The following NXPH2 variants were observed in gnomAD, a reference collection of about 807,000 sequenced individuals.
The protein encoded by NXPH2 is neurexophilin-2.
In NXPH2, 5 loss-of-function variants were observed where a neutral mutation model predicts 19.8. That is an observed-to-expected ratio of 0.25 (90% confidence interval 0.13 to 0.53). NXPH2 has a LOEUF of 0.53. NXPH2 is among the 20% of genes least tolerant of loss of function. The probability of loss-of-function intolerance (pLI) is 0.96; values close to 1 mark genes in which losing one functional copy is unlikely to be tolerated. For synonymous variants in NXPH2, 154 were observed against 127.4 expected (o/e 1.21, Z -1.41); for missense variants, 289 against 322.8 (o/e 0.90, Z 0.80).
intron 1 of NXPH2, among the ~76,000 whole-genome samples, chr2:138,767,872 T>C (rs1682115763): frequency 6.6e-6 from 1 of 152,196 alleles, no homozygotes. Flanking sequence ...ATTTATCCTC[T>C]GTGTCTCTTC....
chr2:138,714,570 C>A lies in NXPH2; in HGVS notation c.52-42905G>T, dbSNP rs139936077. ...ATCTAACACAGAGACAGGAAGCAGG[C>A]AGACTGTGTTCGCTTCCCTACAAAT... On this transcript the variant is annotated intron_variant, in intron 1 of 1. Coordinates refer to ENST00000272641, the MANE Select transcript of NXPH2 (RefSeq NM_007226.3). Among the ~76,000 whole-genome samples the A allele has an allele frequency of 7.7e-3, 1,164 of 152,138 alleles. 16 individuals carry two copies. Among genetic ancestry groups the A allele is most frequent in the African/African-American group, 0.026 (1,092 of 41,510 alleles).
intron 1 of NXPH2, among the ~76,000 whole-genome samples, chr2:138,691,920 A>C (rs1379869742): frequency 1.3e-5 from 2 of 152,240 alleles, no homozygotes; most frequent in African/African-American, 4.8e-5. Flanking sequence ...GACCCATAAC[A>C]TCATAAGATG....
rs1410773708 is a variant in NXPH2, at chr2:138,671,127, G to T, written c.590C>A (p.Ala197Glu). 12 of 1,613,842 alleles carry T rather than the reference G, an allele frequency of 7.4e-6. No homozygotes were observed. Among genetic ancestry groups the T allele is most frequent in the African/African-American group, 2.7e-5 (2 of 75,006 alleles). ...CRIEYEKTDR[A>E]KKTALCNFDP... The stretch of plus-strand genomic sequence containing the variant: ...AAAGTTGCACAGGGCGGTCTTTTTC[G>T]CCCGATCTGTTTTTTCATACTCAAT... The change falls in exon 2 of 2, where the codon GCG becomes GAG. Residue 197 changes from alanine to glutamate, a missense_variant. Transcript: ENST00000272641.
rs537441335 is a variant in NXPH2 at position 138,721,881 on chromosome 2, A to G, written c.52-50216T>C. 1.2e-3 allele frequency among the ~76,000 whole-genome samples: 178 copies of G among 152,336 alleles called. 1 individual carries two copies. The highest frequency in any genetic ancestry group is 3.4e-3 in the Middle Eastern group (1 of 294). ...ATGCAGCAGGTAGATATGAAAGTGTAGTGTGCTTTGAGTATTCTGTCTTTA... is the reference window on the plus strand; with the variant it reads ...ATGCAGCAGGTAGATATGAAAGTGTGGTGTGCTTTGAGTATTCTGTCTTTA... On this transcript the variant is annotated intron_variant, in intron 1 of 1. Transcript: ENST00000272641.
At chr2:138,761,514 G>T (rs1278386580) in intron 1 of NXPH2, among the ~76,000 whole-genome samples, 1 of 152,166 alleles carries the variant, frequency 6.6e-6, no homozygotes, top group East Asian at 1.9e-4. Context: ...GCCTCCTGTT[G>T]GTTTCAAGAA....
intron 1 of NXPH2, among the ~76,000 whole-genome samples, chr2:138,742,686 G>C (rs1183482945): frequency 6.6e-6 from 1 of 152,142 alleles, no homozygotes; most frequent in Non-Finnish European, 1.5e-5. Context: ...CTAGCAAGCA[G>C]GCATCTGCAC....
chr2:138,733,880 A>G (rs1038902745), intron 1 of NXPH2, among the ~76,000 whole-genome samples: 1 of 152,218 alleles, frequency 6.6e-6, no homozygotes, highest in Admixed American at 6.5e-5. Context: ...ATTTGCAACT[A>G]CATCAGGAAA....
At chr2:138,721,705 G>A (rs1353949785) in intron 1 of NXPH2, among the ~76,000 whole-genome samples, 1 of 152,116 alleles carries the variant, frequency 6.6e-6, no homozygotes, top group Non-Finnish European at 1.5e-5. Flanking sequence ...ACAAACTATG[G>A]GAGTTAAAGA....
intron 1 of NXPH2, among the ~76,000 whole-genome samples, chr2:138,758,276 A>T (rs1482926153): frequency 3.3e-5 from 5 of 152,048 alleles, no homozygotes; most frequent in African/African-American, 1.2e-4. Flanking sequence ...ATTACTGAGG[A>T]TCTACCCAGG....
intron 1 of NXPH2, among the ~76,000 whole-genome samples, chr2:138,743,111 A>T (rs1270545341): frequency 6.6e-6 from 1 of 152,256 alleles, no homozygotes; most frequent in East Asian, 1.9e-4. Context: ...GTATTTCAAG[A>T]GAGGTATGCT....
At chr2:138,778,560 T>G (rs144903707) in intron 1 of NXPH2, among the ~76,000 whole-genome samples, 1 of 152,320 alleles carries the variant, frequency 6.6e-6, no homozygotes, top group African/African-American at 2.4e-5. Flanking sequence ...ATCACACTGC[T>G]TACGGAGCAG....
intron 1 of NXPH2, among the ~76,000 whole-genome samples, chr2:138,702,059 T>G (rs981748460): frequency 6.6e-6 from 1 of 152,144 alleles, no homozygotes; most frequent in Admixed American, 6.6e-5. Context: ...AGAGACTGTT[T>G]CTTTTTATTT....
At chr2:138,694,061 T>C (rs1393152669) in intron 1 of NXPH2, among the ~76,000 whole-genome samples, 1 of 152,066 alleles carries the variant, frequency 6.6e-6, no homozygotes, top group African/African-American at 2.4e-5. Context: ...CTAAAATATA[T>C]AATTATATGA....
chr2:138,726,630 G>A lies in NXPH2; in HGVS notation c.51+53561C>T, dbSNP rs559012347. 8.8e-4 allele frequency among the ~76,000 whole-genome samples: 133 copies of A among 150,958 alleles called. 1 individual carries two copies. Among genetic ancestry groups the A allele is most frequent in the Non-Finnish European group, 1.0e-3 (71 of 67,844 alleles). The stretch of plus-strand genomic sequence containing the variant: ...GAGATGTGTGTGTTTTTTTTAAATA[G>A]GCTTTATTTTATAGAGCAGTTTTGA... On this transcript the variant is annotated intron_variant, in intron 1 of 1. Coordinates refer to ENST00000272641, the MANE Select transcript of NXPH2 (RefSeq NM_007226.3).
rs531139290 is a variant in NXPH2 at position 138,674,527 on chromosome 2, C to T, written c.52-2862G>A. On this transcript the variant is annotated intron_variant, in intron 1 of 1. Coordinates refer to ENST00000272641, the MANE Select transcript of NXPH2 (RefSeq NM_007226.3). ...TCTTGAACTCCAGCCTCAAGTGATCCTCCTACCTTGGCCTCTCAAAGTGTT... is the reference window on the plus strand; with the variant it reads ...TCTTGAACTCCAGCCTCAAGTGATCTTCCTACCTTGGCCTCTCAAAGTGTT... Among the ~76,000 whole-genome samples, 44 of 152,242 alleles carry T rather than the reference C, an allele frequency of 2.9e-4. No individual in the cohort carries two copies. In the East Asian group the frequency reaches 8.3e-3, roughly 29 times the overall value.
intron 1 of NXPH2, among the ~76,000 whole-genome samples, chr2:138,692,407 T>A (rs1243930195): frequency 6.6e-6 from 1 of 152,202 alleles, no homozygotes; most frequent in Non-Finnish European, 1.5e-5. Context: ...AATATATGTG[T>A]AACGGAAGCT....
In NXPH2 at chr2:138,780,376, G is replaced by T. The variant is rs1189466485; in HGVS notation, c.-135C>A. ...CCTCCCGGAATCCGAGCGCTGCGCC[G>T]TGCCGCGCAGCTCTGGCCGGGTGGG... On this transcript the variant is annotated 5_prime_UTR_variant, in exon 1 of 2. Coordinates refer to ENST00000272641, the MANE Select transcript of NXPH2 (RefSeq NM_007226.3). The T allele has an allele frequency of 5.8e-6, 2 of 346,100 alleles. No individual in the cohort carries two copies. Among genetic ancestry groups the T allele is most frequent in the Non-Finnish European group, 9.8e-6 (2 of 203,390 alleles). The allele number at this position is 346,100 out of a possible 1,614,324, so 21.4% of individuals were successfully genotyped here.
At chr2:138,708,111 A>G (rs1054722057) in intron 1 of NXPH2, among the ~76,000 whole-genome samples, 7 of 152,160 alleles carry the variant, frequency 4.6e-5, no homozygotes, top group African/African-American at 7.2e-5. Context: ...CCATAACTGC[A>G]CTTACCCTAC....
At chr2:138,732,025 A>AAGTG (rs1681460705) in intron 1 of NXPH2, among the ~76,000 whole-genome samples, 1 of 152,222 alleles carries the variant, frequency 6.6e-6, no homozygotes, top group South Asian at 2.1e-4. Context: ...GTGTATGGAT[A>AAGTG]AGTGGATTAA....
Sources: allele counts gnomAD v4.1 joint callset (sites outside exome capture counted in the v4.1 genomes callset), GRCh38; gene constraint gnomAD v4.1.1; transcripts MANE v1.5; gene names NCBI Gene and HGNC (gene_info 2026-07-23, HGNC 2026-07-21).